Variants in ENAH observed in about 807,000 individuals in gnomAD.
ENAH encodes the protein ENAH actin regulator, also known as protein enabled homolog.
Under a neutral mutation model 78.7 loss-of-function variants are expected in ENAH, and 23 were observed. That is an observed-to-expected ratio of 0.29 (90% CI 0.21 to 0.41). The LOEUF is 0.41. Ranked by LOEUF, ENAH falls within the 10% of genes least tolerant of loss-of-function variation. ENAH has a pLI of 1.00. For synonymous variants in ENAH, 226 were observed against 241.0 expected, an observed-to-expected ratio of 0.94 and a Z score of 0.58; for missense variants, 544 against 691.0, an observed-to-expected ratio of 0.79 and a Z score of 2.39.
chr1:225,626,217 C>T lies in ENAH; in HGVS notation c.5+26469G>A, dbSNP rs1244554331. Among the ~76,000 whole-genome samples the T allele has an allele frequency of 2.0e-5, 3 of 152,262 alleles. No homozygotes were observed. In the East Asian group the frequency reaches 5.8e-4, roughly 29 times the overall value. On this transcript the variant is annotated intron_variant, in intron 1 of 13. Transcript: ENST00000366843. ...CCTCAAGCTGCCCTAGCTCCAGCAACTCTCACTTTGCCTCTACCAGGAGAA... is the reference window on the plus strand; with the variant it reads ...CCTCAAGCTGCCCTAGCTCCAGCAATTCTCACTTTGCCTCTACCAGGAGAA...
intron 1 of ENAH, among the ~76,000 whole-genome samples, chr1:225,619,156 T>C (rs2148229491): frequency 6.6e-6 from 1 of 152,292 alleles, no homozygotes; most frequent in South Asian, 2.1e-4. Context: ...GCCATTACCA[T>C]GTGCAATGTT....
intron 3 of ENAH, among the ~76,000 whole-genome samples, chr1:225,541,295 GT>G (rs11357376): frequency 0.91 from 137,877 of 152,150 alleles, 62,628 homozygotes; most frequent in African/African-American, 0.95. Flanking sequence ...TTAGCCAGGC[GT>G]TGGTGGCATG....
In ENAH at chr1:225,517,320, A is replaced by C; in HGVS notation, c.803-14T>G. On this transcript the variant is annotated splice_polypyrimidine_tract_variant and intron_variant, in intron 5 of 13. Coordinates refer to ENST00000366843, the MANE Select transcript of ENAH (RefSeq NM_018212.6). ...AGGCAGGGGCAGCTGCAGAGGGAGA[A>C]GGGAGAACACTAGGCTTGGATGAGG... The C allele has an allele frequency of 6.4e-7, 1 of 1,551,728 alleles. No homozygotes were observed. The highest frequency in any genetic ancestry group is 8.7e-7 in the Non-Finnish European group (1 of 1,146,976).
intron 11 of ENAH, among the ~76,000 whole-genome samples, chr1:225,506,253 T>C (rs1014726226): frequency 1.3e-5 from 2 of 152,330 alleles, no homozygotes; most frequent in Admixed American, 6.5e-5. Flanking sequence ...AATAGCGCGA[T>C]ATCAGCTCAC....
Position 225,495,319 on chromosome 1 carries a change from A to G in ENAH, c.*2456T>C, listed in dbSNP as rs951152761. The G allele has an allele frequency of 6.6e-6, 1 of 152,562 alleles. No individual in the cohort carries two copies. The highest frequency in any genetic ancestry group is 1.5e-5 in the Non-Finnish European group (1 of 68,018). 9.5% of individuals were successfully genotyped at this position (152,562 alleles called of 1,614,324 possible). A position where few individuals can be genotyped will look rare whatever the true frequency, so the allele number is the denominator to read the frequency against. On this transcript the variant is annotated 3_prime_UTR_variant, in exon 14 of 14. Coordinates refer to ENST00000366843, the MANE Select transcript of ENAH (RefSeq NM_018212.6). ...TAAATAACTTAGGCTTCTGTTTCCC[A>G]TTTTAATTACTGAAATCTCTAATAA...
At chr1:225,571,895 C>CT (rs2096764692) in intron 1 of ENAH, among the ~76,000 whole-genome samples, 1 of 152,156 alleles carries the variant, frequency 6.6e-6, no homozygotes, top group African/African-American at 2.4e-5. Context: ...CTATGCCTCT[C>CT]TTCCATTTGG....
intron 2 of ENAH, among the ~76,000 whole-genome samples, chr1:225,564,654 G>A (rs971998300): frequency 2.0e-5 from 3 of 151,746 alleles, no homozygotes; most frequent in Non-Finnish European, 4.4e-5. Flanking sequence ...GACCAGGCTG[G>A]TCTTGAACTC....
intron 7 of ENAH, among the ~76,000 whole-genome samples, 189 bp downstream of exon 7, chr1:225,514,407 C>T (rs570542403): frequency 5.9e-5 from 9 of 151,972 alleles, no homozygotes; most frequent in African/African-American, 1.7e-4. Context: ...TCAGGTGATC[C>T]GCCCACCCCA....
intron 3 of ENAH, among the ~76,000 whole-genome samples, chr1:225,547,334 T>A (rs973302821): frequency 1.3e-5 from 2 of 152,164 alleles, no homozygotes; most frequent in Non-Finnish European, 2.9e-5. Flanking sequence ...CCTCCCAAAG[T>A]GCTGGGATTA....
Position 225,495,460 on chromosome 1 carries a change from T to G in ENAH, c.*2315A>C, listed in dbSNP as rs1273963741. 73 of 149,126 alleles carry G rather than the reference T, an allele frequency of 4.9e-4. No individual in the cohort carries two copies. Among genetic ancestry groups the G allele is most frequent in the African/African-American group, 1.7e-3 (68 of 40,618 alleles). The allele number at this position is 149,126 out of a possible 1,614,324, so 9.2% of individuals were successfully genotyped here. ...ATATAGCATGATTCAACACTGGTTT[T>G]TTTTTTTTTTTTTTTTTGTCAGTTT... is the stretch of plus-strand genomic sequence containing the variant. On this transcript the variant is annotated 3_prime_UTR_variant, in exon 14 of 14. Coordinates refer to ENST00000366843, the MANE Select transcript of ENAH (RefSeq NM_018212.6).
chr1:225,594,911 A>G (rs531132474), intron 1 of ENAH, among the ~76,000 whole-genome samples: 2 of 152,378 alleles, frequency 1.3e-5, no homozygotes, highest in African/African-American at 4.8e-5. Context: ...ACACAGAATT[A>G]ATACAATCAA....
chr1:225,615,763 T>C (rs2097026545), intron 1 of ENAH, among the ~76,000 whole-genome samples: 3 of 150,210 alleles, frequency 2.0e-5, no homozygotes, highest in South Asian at 2.1e-4. Context: ...GGAGCGTCTC[T>C]GCCCGGCCGC....
chr1:225,527,170 T>C (rs1288309640), intron 4 of ENAH, among the ~76,000 whole-genome samples: 4 of 152,186 alleles, frequency 2.6e-5, no homozygotes, highest in Non-Finnish European at 5.9e-5. Context: ...TGTGAATTTA[T>C]AATGCAAACT....
intron 1 of ENAH, among the ~76,000 whole-genome samples, chr1:225,634,035 T>C (rs900623884): frequency 6.6e-6 from 1 of 152,244 alleles, no homozygotes; most frequent in Non-Finnish European, 1.5e-5. Flanking sequence ...TAAAAGTGTT[T>C]TATTTTTTCC....
At chr1:225,511,741 A>T (rs1441454878) in intron 10 of ENAH, 70 bp downstream of exon 10, 5 of 1,136,378 alleles carry the variant, frequency 4.4e-6, no homozygotes. Context: ...GGAAAGGGGG[A>T]ATTTTTAACT....
intron 1 of ENAH, among the ~76,000 whole-genome samples, chr1:225,615,630 A>C (rs1256446063): frequency 7.3e-6 from 1 of 136,990 alleles, no homozygotes; most frequent in Non-Finnish European, 1.5e-5. Context: ...GGCGTCTGAG[A>C]TGTGGGGAGC....
chr1:225,608,220 GAAAA>G (rs60998592), intron 1 of ENAH, among the ~76,000 whole-genome samples: 2 of 91,298 alleles, frequency 2.2e-5, no homozygotes, highest in South Asian at 3.9e-4. Flanking sequence ...ATAAAAAACA[GAAAA>G]AAAAAAAAAA....
intron 1 of ENAH, among the ~76,000 whole-genome samples, chr1:225,617,030 CAG>C (rs1655858389): frequency 6.6e-6 from 1 of 151,646 alleles, no homozygotes; most frequent in South Asian, 2.1e-4. Flanking sequence ...ACCTGGGAGG[CAG>C]AGGTTGCAGT....
At chr1:225,652,226 C>A (rs1663154267) in intron 1 of ENAH, 3 of 640,066 alleles carry the variant, frequency 4.7e-6, no homozygotes, top group Non-Finnish European at 5.8e-6. Context: ...GCAGAGATTT[C>A]AGACCTTTCA....
Sources: allele counts gnomAD v4.1 joint callset (sites outside exome capture counted in the v4.1 genomes callset), GRCh38; gene constraint gnomAD v4.1.1; transcripts MANE v1.5; gene names NCBI Gene and HGNC (gene_info 2026-07-23, HGNC 2026-07-21).